The following CPVL variants were observed in gnomAD, a reference collection of about 807,000 sequenced individuals.
CPVL encodes the protein carboxypeptidase vitellogenic like, also known as probable serine carboxypeptidase CPVL.
Under a neutral mutation model 63.7 loss-of-function variants are expected in CPVL, and 51 were observed. The ratio of observed to expected loss-of-function variants is 0.80; its 90% confidence interval spans 0.64 to 1.01. The LOEUF (loss-of-function observed/expected upper bound fraction) is 1.01. Among genes scored for constraint, CPVL ranks in the 50% least tolerant of loss-of-function variants. The pLI, the probability that CPVL is intolerant of heterozygous loss-of-function variation, is 0.00. For synonymous variants in CPVL, 195 were observed against 206.0 expected (o/e 0.95, Z 0.46); for missense variants, 530 against 573.1 (o/e 0.92, Z 0.77).
At chr7:29,022,983 C>G (rs755343589) in intron 12 of CPVL, among the ~76,000 whole-genome samples, 1 of 152,254 alleles carries the variant, frequency 6.6e-6, no homozygotes, top group Non-Finnish European at 1.5e-5. Flanking sequence ...ATCACCTCCA[C>G]GAGCAGTCAC....
At chr7:29,106,836 A>G (rs1787768279) in intron 3 of CPVL, among the ~76,000 whole-genome samples, 1 of 152,218 alleles carries the variant, frequency 6.6e-6, no homozygotes, top group Non-Finnish European at 1.5e-5. Context: ...ATGCCGCACA[A>G]CATCTCTCCA....
chr7:29,095,135 G>C lies in CPVL; in HGVS notation c.411C>G (p.Asp137Glu). The C allele has an allele frequency of 6.2e-7, 1 of 1,613,612 alleles. No homozygotes were observed. The highest frequency in any genetic ancestry group is 1.1e-5 in the South Asian group (1 of 91,060). The change falls in exon 5 of 13, where the codon GAC (aspartate) becomes GAG (glutamate). Residue 137 changes from aspartate (D) to glutamate (E), a missense_variant. Coordinates refer to ENST00000265394, the MANE Select transcript of CPVL (RefSeq NM_031311.5). ...GCGTTGTGGTCCAGGGGAAGTCTCT[G>C]TCACGCACTGTGAAAACAAAGAAGA... Reference protein sequence around the residue: ...YVVTSNMTLRDRDFPWTTTLS... With the variant: ...YVVTSNMTLRERDFPWTTTLS...
intron 3 of CPVL, among the ~76,000 whole-genome samples, chr7:29,097,956 G>A (rs1368500939): frequency 1.3e-5 from 2 of 152,208 alleles, no homozygotes; most frequent in Non-Finnish European, 2.9e-5. Flanking sequence ...GTCGCCAGGC[G>A]AATCCCCCAG....
intron 11 of CPVL, among the ~76,000 whole-genome samples, chr7:29,035,943 G>A (rs773976554): frequency 3.3e-5 from 5 of 152,166 alleles, no homozygotes; most frequent in Non-Finnish European, 5.9e-5. Context: ...TTGGAATCAT[G>A]GGCAGAGGAC....
chr7:29,102,740 C>T (rs549251780), intron 3 of CPVL, among the ~76,000 whole-genome samples: 2 of 152,138 alleles, frequency 1.3e-5, no homozygotes, highest in East Asian at 1.9e-4. Context: ...ATTCTTCTGG[C>T]GACCCCTGGT....
chr7:29,153,222 T>C (rs1329983387), intron 5 of CPVL, among the ~76,000 whole-genome samples: 1 of 152,230 alleles, frequency 6.6e-6, no homozygotes, highest in Non-Finnish European at 1.5e-5. Flanking sequence ...ATATGGTATG[T>C]GGGCCTCTGT....
At chr7:29,032,924 G>A (rs1788168317) in intron 11 of CPVL, among the ~76,000 whole-genome samples, 1 of 152,158 alleles carries the variant, frequency 6.6e-6, no homozygotes, top group Non-Finnish European at 1.5e-5. Flanking sequence ...CATGGAATGA[G>A]GACCATCCCT....
intron 3 of CPVL, among the ~76,000 whole-genome samples, chr7:29,097,484 C>T (rs554398277): frequency 2.0e-5 from 3 of 152,254 alleles, no homozygotes; most frequent in South Asian, 2.1e-4. Flanking sequence ...CACCTTAGTT[C>T]GGGAGTTCAA....
intron 11 of CPVL, among the ~76,000 whole-genome samples, chr7:29,037,837 G>C (rs189854759): frequency 6.6e-6 from 1 of 152,026 alleles, no homozygotes; most frequent in African/African-American, 2.4e-5. Flanking sequence ...CCTCAGCCCC[G>C]CAAGACCTGT....
At chr7:29,138,233 G>A (rs1349131811) in intron 1 of CPVL, among the ~76,000 whole-genome samples, 4 of 152,144 alleles carry the variant, frequency 2.6e-5, no homozygotes, top group South Asian at 4.1e-4. Context: ...GAGGTCAGGA[G>A]TTCCAGACCA....
intron 3 of CPVL, among the ~76,000 whole-genome samples, chr7:29,106,247 CTG>C (rs1292732931): frequency 6.6e-6 from 1 of 152,140 alleles, no homozygotes; most frequent in Non-Finnish European, 1.5e-5. Context: ...GAACGACCCT[CTG>C]GGGTGCAAAT....
intron 3 of CPVL, among the ~76,000 whole-genome samples, chr7:29,098,361 G>T (rs554190453): frequency 6.6e-6 from 1 of 152,144 alleles, no homozygotes; most frequent in Non-Finnish European, 1.5e-5. Flanking sequence ...TTTGGAAAGG[G>T]GCCCAGGGGG....
At chr7:29,048,155 CA>C (rs928804464) in intron 11 of CPVL, among the ~76,000 whole-genome samples, 4 of 151,086 alleles carry the variant, frequency 2.6e-5, no homozygotes, top group African/African-American at 7.3e-5. Flanking sequence ...AAATAAAAGG[CA>C]AAAAAAACAA....
At chr7:29,092,559 T>C in intron 6 of CPVL, 64 bp downstream of exon 6, 1 of 1,138,228 alleles carries the variant, frequency 8.8e-7, no homozygotes, top group East Asian at 2.4e-5. Context: ...CTAGAATAAT[T>C]TTCCTATTGA....
At chr7:29,046,309 C>G (rs1250837686) in intron 11 of CPVL, among the ~76,000 whole-genome samples, 1 of 152,134 alleles carries the variant, frequency 6.6e-6, no homozygotes, top group African/African-American at 2.4e-5. Context: ...TGGTCTCAAA[C>G]TCCTGACCTT....
At chr7:29,170,517 C>A (rs912190889) in intron 5 of CPVL, among the ~76,000 whole-genome samples, 1 of 152,174 alleles carries the variant, frequency 6.6e-6, no homozygotes, top group East Asian at 1.9e-4. Flanking sequence ...GTAATTTGTA[C>A]ATGTCCTTAG....
At chr7:29,051,266 A>G (rs1790129157) in intron 11 of CPVL, among the ~76,000 whole-genome samples, 1 of 152,200 alleles carries the variant, frequency 6.6e-6, no homozygotes, top group African/African-American at 2.4e-5. Context: ...TTAATTAAAC[A>G]AAAGAGCTTT....
At chr7:29,167,428 T>G (rs1796060223) in intron 5 of CPVL, among the ~76,000 whole-genome samples, 1 of 152,228 alleles carries the variant, frequency 6.6e-6, no homozygotes, top group Admixed American at 6.5e-5. Context: ...CCAGTTTTTC[T>G]TTTTGCTTGT....
At chr7:29,186,305 G>A (rs1264119643) in intron 2 of CPVL, 1 of 152,162 alleles carries the variant, frequency 6.6e-6, no homozygotes, top group Non-Finnish European at 1.5e-5. Context: ...ACATAAGTAG[G>A]CCATGCGTGT....
Sources: allele counts gnomAD v4.1 joint callset (sites outside exome capture counted in the v4.1 genomes callset), GRCh38; gene constraint gnomAD v4.1.1; transcripts MANE v1.5; gene names NCBI Gene and HGNC (gene_info 2026-07-23, HGNC 2026-07-21).